KCNQ3: variants seen among roughly 807,000 people sequenced by gnomAD.
KCNQ3 encodes the protein potassium voltage-gated channel subfamily Q member 3, also known as potassium voltage-gated channel subfamily KQT member 3.
KCNQ3 carries 30 observed loss-of-function variants against 92.5 expected under a neutral mutation model. The ratio of observed to expected loss-of-function variants is 0.32; its 90% CI spans 0.24 to 0.44. The LOEUF is 0.44. Among genes scored for constraint, KCNQ3 ranks in the 20% least tolerant of loss-of-function variants. The probability of loss-of-function intolerance (pLI) is 1.00; values close to 1 mark genes in which losing one functional copy is unlikely to be tolerated. For synonymous variants in KCNQ3, 450 were observed against 468.8 expected (o/e 0.96, Z 0.52); for missense variants, 913 against 1,140.3 (o/e 0.80, Z 2.87).
chr8:132,260,571 A>T (rs1815748779), intron 1 of KCNQ3, among the ~76,000 whole-genome samples: 1 of 152,192 alleles, frequency 6.6e-6, no homozygotes, highest in African/African-American at 2.4e-5. Flanking sequence ...TGTCTGGTAG[A>T]TGGTGAAGGC....
intron 1 of KCNQ3, among the ~76,000 whole-genome samples, chr8:132,408,391 A>T (rs1820554335): frequency 6.6e-6 from 1 of 152,100 alleles, no homozygotes; most frequent in Non-Finnish European, 1.5e-5. Flanking sequence ...TCTTCTAGGC[A>T]TCCCCCTGAC....
At chr8:132,172,800 C>T (rs1826422298) in intron 6 of KCNQ3, 107 bp from the exon 7 acceptor site, 1 of 794,510 alleles carries the variant, frequency 1.3e-6, no homozygotes, top group Admixed American at 1.8e-5. Flanking sequence ...CACTTCAAGT[C>T]CTTGCAGTGA....
intron 1 of KCNQ3, among the ~76,000 whole-genome samples, chr8:132,463,208 C>T (rs1282445593): frequency 6.6e-6 from 1 of 152,184 alleles, no homozygotes; most frequent in African/African-American, 2.4e-5. Flanking sequence ...TTATTGAGCT[C>T]TTTTGTGACA....
At chr8:132,425,418 T>C (rs1040025785) in intron 1 of KCNQ3, among the ~76,000 whole-genome samples, 5 of 152,194 alleles carry the variant, frequency 3.3e-5, no homozygotes, top group Admixed American at 2.6e-4. Context: ...TGAGTAATAA[T>C]ACGATCTGCA....
chr8:132,381,247 C>A (rs1016390320), intron 1 of KCNQ3, among the ~76,000 whole-genome samples: 1 of 152,232 alleles, frequency 6.6e-6, no homozygotes. Context: ...AAGCCCAGAT[C>A]GGTCTGATAC....
intron 1 of KCNQ3, among the ~76,000 whole-genome samples, chr8:132,260,453 G>T (rs988748821): frequency 6.6e-6 from 1 of 151,978 alleles, no homozygotes; most frequent in African/African-American, 2.4e-5. Flanking sequence ...ATTCCAGTGG[G>T]GATACAGGTA....
intron 1 of KCNQ3, among the ~76,000 whole-genome samples, chr8:132,432,480 T>G (rs1317797521): frequency 6.6e-6 from 1 of 152,240 alleles, no homozygotes; most frequent in Non-Finnish European, 1.5e-5. Context: ...CACTCTGGGT[T>G]GAAGGACATG....
intron 1 of KCNQ3, among the ~76,000 whole-genome samples, chr8:132,353,365 G>GA (rs1315524398): frequency 1.3e-5 from 2 of 151,892 alleles, no homozygotes; most frequent in Non-Finnish European, 2.9e-5. Context: ...AGGACTGTCA[G>GA]AAAAAAAATA....
intron 9 of KCNQ3, among the ~76,000 whole-genome samples, chr8:132,156,676 C>G (rs1825804045): frequency 6.6e-6 from 1 of 152,200 alleles, no homozygotes; most frequent in South Asian, 2.1e-4. Context: ...ATGCAACCTA[C>G]CACACTTGTT....
At position 132,125,114 on chromosome 8, in the gene KCNQ3, G is replaced by C. The variant is rs184522782; in HGVS notation, c.*4148C>G. On this transcript the variant is annotated 3_prime_UTR_variant, in exon 15 of 15. Coordinates refer to ENST00000388996, the MANE Select transcript of KCNQ3 (RefSeq NM_004519.4). ...AATCTTAGCAGGGATTAGGAGACAA[G>C]AAGAAAGCTGGTTTCTCCAACAATC... 98 of 152,294 alleles carry C rather than the reference G, an allele frequency of 6.4e-4. 1 individual carries two copies. The highest frequency in any genetic ancestry group is 2.2e-3 in the African/African-American group (93 of 41,564). 9.4% of individuals were successfully genotyped at this position (152,294 alleles called of 1,614,324 possible).
chr8:132,338,656 C>T (rs6993047), intron 1 of KCNQ3, among the ~76,000 whole-genome samples: 12,967 of 152,178 alleles, frequency 0.085, 729 homozygotes, highest in East Asian at 0.21. Flanking sequence ...AAATGGCGCC[C>T]GCCAGTCCAG....
chr8:132,403,337 A>G (rs537568137), intron 1 of KCNQ3, among the ~76,000 whole-genome samples: 1 of 152,176 alleles, frequency 6.6e-6, no homozygotes, highest in African/African-American at 2.4e-5. Flanking sequence ...GGCCATCCCC[A>G]GCCCCTGTGG....
At chr8:132,195,378 C>T (rs62519628) in intron 1 of KCNQ3, among the ~76,000 whole-genome samples, 17,622 of 152,212 alleles carry the variant, frequency 0.12, 1,907 homozygotes, top group African/African-American at 0.29. Flanking sequence ...TGTTGTGAGG[C>T]TGCGTTTCAG....
At chr8:132,153,311 G>A (rs1477236548) in intron 9 of KCNQ3, among the ~76,000 whole-genome samples, 1 of 152,162 alleles carries the variant, frequency 6.6e-6, no homozygotes, top group Non-Finnish European at 1.5e-5. Flanking sequence ...CCAAGCACAT[G>A]CATCCAAAGA....
At chr8:132,339,186 G>C (rs1413914745) in intron 1 of KCNQ3, among the ~76,000 whole-genome samples, 1 of 152,170 alleles carries the variant, frequency 6.6e-6, no homozygotes, top group Non-Finnish European at 1.5e-5. Flanking sequence ...TCTGAACAAA[G>C]TGGGGGCTGG....
chr8:132,471,175 T>C (rs940472701), intron 1 of KCNQ3, among the ~76,000 whole-genome samples: 6 of 152,020 alleles, frequency 3.9e-5, no homozygotes, highest in African/African-American at 1.4e-4. Flanking sequence ...GAAATGCAGC[T>C]AGCTATCAAG....
chr8:132,309,026 G>A (rs937154218), intron 1 of KCNQ3, among the ~76,000 whole-genome samples: 2 of 152,192 alleles, frequency 1.3e-5, no homozygotes, highest in African/African-American at 4.8e-5. Context: ...GGGAGAGACA[G>A]ACCCACCCTC....
intron 1 of KCNQ3, among the ~76,000 whole-genome samples, chr8:132,212,615 A>C (rs1813894941): frequency 6.6e-6 from 1 of 151,950 alleles, no homozygotes; most frequent in Non-Finnish European, 1.5e-5. Flanking sequence ...CATGTCAAGC[A>C]GAAGGCCTTC....
intron 1 of KCNQ3, among the ~76,000 whole-genome samples, chr8:132,352,293 G>A (rs1465473470): frequency 6.6e-6 from 1 of 152,124 alleles, no homozygotes; most frequent in East Asian, 1.9e-4. Flanking sequence ...ACCCCCCAAG[G>A]AGCATTCAGC....
Sources: allele counts gnomAD v4.1 joint callset (sites outside exome capture counted in the v4.1 genomes callset), GRCh38; gene constraint gnomAD v4.1.1; transcripts MANE v1.5; gene names NCBI Gene and HGNC (gene_info 2026-07-23, HGNC 2026-07-21).